The following CLASP2 variants were observed in gnomAD, a reference collection of about 807,000 sequenced individuals.
CLASP2 encodes the protein CLIP-associating protein 2.
In CLASP2, 47 loss-of-function variants were observed where a neutral mutation model predicts 194.4. The ratio of observed to expected loss-of-function variants is 0.24; its 90% CI spans 0.19 to 0.31. CLASP2 has a LOEUF of 0.31. CLASP2 is among the 10% of genes least tolerant of loss of function. The pLI is 1.00. For missense variants in CLASP2, 1,445 were observed against 1,823.6 expected (o/e 0.79, Z 3.78); for synonymous variants, 619 against 633.5 (o/e 0.98, Z 0.34).
chr3:33,527,926 GC>G (rs75312533), intron 34 of CLASP2, among the ~76,000 whole-genome samples: 1 of 152,062 alleles, frequency 6.6e-6, no homozygotes, highest in East Asian at 1.9e-4. Flanking sequence ...TCATGCTGCT[GC>G]CCCCCAGCCT....
chr3:33,606,787 G>A (rs2073947008), intron 15 of CLASP2, 29 bp from the exon 16 acceptor site: 3 of 1,522,154 alleles, frequency 2.0e-6, no homozygotes, highest in South Asian at 1.2e-5. Context: ...AGCAGATGAA[G>A]TAATAGCTTT....
intron 8 of CLASP2, among the ~76,000 whole-genome samples, chr3:33,636,261 A>G: frequency 6.6e-6 from 1 of 152,128 alleles, no homozygotes; most frequent in Admixed American, 6.5e-5. Context: ...AAACTTAAAA[A>G]CTAAGCAAAC....
intron 29 of CLASP2, chr3:33,554,818 T>G (rs1281607271): frequency 6.5e-6 from 1 of 153,062 alleles, no homozygotes; most frequent in African/African-American, 2.4e-5. Context: ...CCATGAAAGA[T>G]TTTGAGGAGA....
chr3:33,654,189 G>T (rs905041506), intron 7 of CLASP2, among the ~76,000 whole-genome samples: 7 of 152,120 alleles, frequency 4.6e-5, no homozygotes, highest in African/African-American at 1.7e-4. Context: ...GAAAGTACAG[G>T]GATGAGCACA....
chr3:33,659,352 G>A, intron 7 of CLASP2: 1 of 1,090,046 alleles, frequency 9.2e-7, no homozygotes. Flanking sequence ...ATCCCGCTGG[G>A]GGACTTTTAA....
Position 33,608,444 on chromosome 3 carries a change from G to A in CLASP2, c.1448+123C>T, listed in dbSNP as rs2074369354. ...AGCACAACACCACCACAGCTTTAAA[G>A]GAAAACCAGTACAAATAACCTTTGA... On this transcript the variant is annotated intron_variant, in intron 14 of 38. Transcript: ENST00000682230. 7.8e-6 allele frequency: 6 copies of A among 767,148 alleles called. No individual in the cohort carries two copies. In the East Asian group the frequency reaches 1.6e-4, roughly 21 times the overall value. 47.5% of individuals were successfully genotyped at this position (767,148 alleles called of 1,614,324 possible). A position where few individuals can be genotyped will look rare whatever the true frequency, so the allele number is the denominator to read the frequency against.
chr3:33,525,704 A>G (rs950608272), intron 34 of CLASP2, among the ~76,000 whole-genome samples: 1 of 152,174 alleles, frequency 6.6e-6, no homozygotes, highest in African/African-American at 2.4e-5. Flanking sequence ...GAAACCCTGG[A>G]GCCTCAGATA....
In CLASP2 at chr3:33,648,983, T is replaced by C. The variant is rs535850176; in HGVS notation, c.716-4080A>G. Among the ~76,000 whole-genome samples the C allele has an allele frequency of 2.6e-5, 4 of 152,336 alleles. No individual in the cohort carries two copies. The South Asian group carries it at 6.2e-4, about 24-fold the overall frequency. ...CACATCACTGTTCAAAATCCTCCTA[T>C]GACTACATAAAAAGGTCTACCAGAA... On this transcript the variant is annotated intron_variant, in intron 7 of 38. Transcript: ENST00000682230.
At chr3:33,665,551 T>C (rs1369633234) in intron 6 of CLASP2, among the ~76,000 whole-genome samples, 2 of 152,114 alleles carry the variant, frequency 1.3e-5, no homozygotes, top group Non-Finnish European at 2.9e-5. Flanking sequence ...CTACTCTCTC[T>C]TCTCAGTCAC....
At chr3:33,661,413 G>C (rs1348361561) in intron 7 of CLASP2, among the ~76,000 whole-genome samples, 1 of 152,226 alleles carries the variant, frequency 6.6e-6, no homozygotes, top group South Asian at 2.1e-4. Flanking sequence ...TACAGAAGTA[G>C]TCCAGGCAAA....
At chr3:33,607,328 T>C (rs1489279499) in intron 15 of CLASP2, 56 bp downstream of exon 15, 3 of 1,188,894 alleles carry the variant, frequency 2.5e-6, no homozygotes, top group Admixed American at 2.7e-5. Context: ...ATTCTCCTAA[T>C]ACATTTTTTT....
chr3:33,604,556 T>C (rs1304985557), intron 16 of CLASP2, among the ~76,000 whole-genome samples: 1 of 152,140 alleles, frequency 6.6e-6, no homozygotes, highest in Non-Finnish European at 1.5e-5. Context: ...TGGGCTCAAG[T>C]GTGATCCTCC....
intron 12 of CLASP2, 103 bp from the exon 13 acceptor site, chr3:33,612,174 C>CA: frequency 2.9e-6 from 2 of 678,176 alleles, no homozygotes; most frequent in South Asian, 4.0e-5. Flanking sequence ...TACAAGAGGA[C>CA]AAAAAGACCA....
intron 37 of CLASP2, among the ~76,000 whole-genome samples, chr3:33,509,445 C>T (rs893316489): frequency 2.2e-4 from 34 of 152,278 alleles, no homozygotes; most frequent in Non-Finnish European, 2.6e-4. Context: ...GAACTCCCGA[C>T]CTCAGGTGAT....
At chr3:33,710,051 G>A (rs985838439) in intron 1 of CLASP2, among the ~76,000 whole-genome samples, 7 of 152,182 alleles carry the variant, frequency 4.6e-5, no homozygotes, top group African/African-American at 1.7e-4. Flanking sequence ...GATGGGGCAG[G>A]ATTGGCCACG....
chr3:33,543,610 C>A (rs2058716043), intron 31 of CLASP2, 71 bp from the exon 32 acceptor site: 2 of 882,384 alleles, frequency 2.3e-6, no homozygotes, highest in East Asian at 4.8e-5. Flanking sequence ...TTAAGGAAGC[C>A]ACACAAACAT....
intron 29 of CLASP2, among the ~76,000 whole-genome samples, chr3:33,554,040 C>A (rs2060487819): frequency 6.6e-6 from 1 of 151,994 alleles, no homozygotes; most frequent in Non-Finnish European, 1.5e-5. Context: ...CAGCCGGGGC[C>A]AACGTAGTTA....
chr3:33,577,162 A>G (rs2065071368), intron 23 of CLASP2: 2 of 1,414,890 alleles, frequency 1.4e-6, no homozygotes, highest in East Asian at 4.6e-5. Context: ...AAAATCTGAG[A>G]TGAATGCCAG....
chr3:33,573,580 G>A (rs1227398835), intron 24 of CLASP2: 1 of 572,176 alleles, frequency 1.7e-6, no homozygotes, highest in African/African-American at 1.9e-5. Flanking sequence ...GGTAGAAGCA[G>A]AGTAAGACTA....
Sources: allele counts gnomAD v4.1 joint callset (sites outside exome capture counted in the v4.1 genomes callset), GRCh38; gene constraint gnomAD v4.1.1; transcripts MANE v1.5; gene names NCBI Gene and HGNC (gene_info 2026-07-23, HGNC 2026-07-21).